Variants in ADCK1 observed in about 807,000 individuals in gnomAD.
The protein encoded by ADCK1 is aarF domain-containing protein kinase 1.
ADCK1 carries 41 observed loss-of-function variants against 52.3 expected under a neutral mutation model. The ratio of observed to expected loss-of-function variants is 0.78; its 90% CI spans 0.61 to 1.02. The LOEUF is 1.02. Ranked by LOEUF, ADCK1 falls within the 50% of genes least tolerant of loss-of-function variation. The pLI is 0.00. For synonymous variants in ADCK1, 250 were observed against 274.6 expected (o/e 0.91, Z 0.89); for missense variants, 658 against 679.5 (o/e 0.97, Z 0.35).
At chr14:77,832,209 C>T (rs2081869277) in intron 3 of ADCK1, among the ~76,000 whole-genome samples, 1 of 152,150 alleles carries the variant, frequency 6.6e-6, no homozygotes, top group Non-Finnish European at 1.5e-5. Flanking sequence ...AACTCCTGAC[C>T]TCATATGATC....
rs772385261 is a variant in ADCK1 at position 77,925,901 on chromosome 14, G to A, written c.1146G>A (p.Thr382=). The part of the protein sequence containing the change: ...DLYPLFACML[T]ARSWDSVNRG... ...ACCCCTTGTTTGCCTGCATGCTGAC[G>A]GCGCGATCGTGGGACTCGGTCAACA... The change falls in exon 9 of 11, where the codon ACG becomes ACA. Residue 382 remains threonine (T), a synonymous_variant. Coordinates refer to ENST00000238561, the MANE Select transcript of ADCK1 (RefSeq NM_020421.4). The A allele has an allele frequency of 1.1e-5, 17 of 1,614,224 alleles. No individual in the cohort carries two copies. The highest frequency in any genetic ancestry group is 2.2e-5 in the East Asian group (1 of 44,872).
chr14:77,883,014 T>C (rs1010604932), intron 4 of ADCK1, among the ~76,000 whole-genome samples: 3 of 132,546 alleles, frequency 2.3e-5, no homozygotes, highest in Non-Finnish European at 3.1e-5. Context: ...CCTTCGCACA[T>C]GTGTGCACAC....
chr14:77,915,762 G>A (rs1290054059), intron 7 of ADCK1, among the ~76,000 whole-genome samples: 4 of 152,194 alleles, frequency 2.6e-5, no homozygotes, highest in African/African-American at 4.8e-5. Flanking sequence ...AAGGTGTCAG[G>A]AGTGAGTAAC....
chr14:77,883,963 G>A (rs1212492679), intron 4 of ADCK1, among the ~76,000 whole-genome samples: 2 of 152,146 alleles, frequency 1.3e-5, no homozygotes, highest in South Asian at 2.1e-4. Flanking sequence ...GCTTCCTCTC[G>A]CCCTGGAGAT....
At chr14:77,801,669 G>A (rs2081113448) in intron 1 of ADCK1, among the ~76,000 whole-genome samples, 1 of 152,178 alleles carries the variant, frequency 6.6e-6, no homozygotes, top group Non-Finnish European at 1.5e-5. Flanking sequence ...GCCGGGTGCG[G>A]TGGCTCACAC....
intron 3 of ADCK1, among the ~76,000 whole-genome samples, chr14:77,824,535 G>C (rs965108064): frequency 1.5e-4 from 23 of 150,556 alleles, no homozygotes; most frequent in African/African-American, 5.6e-4. Context: ...CCGGGTTCAA[G>C]CAATTCTCCT....
intron 7 of ADCK1, among the ~76,000 whole-genome samples, chr14:77,918,987 C>T (rs190927437): frequency 5.3e-5 from 8 of 152,340 alleles, no homozygotes; most frequent in Non-Finnish European, 8.8e-5. Context: ...CCTGTTTAAA[C>T]GCCCATAAAC....
chr14:77,858,579 C>T (rs1170745318), intron 3 of ADCK1, among the ~76,000 whole-genome samples: 1 of 152,076 alleles, frequency 6.6e-6, no homozygotes, highest in Admixed American at 6.6e-5. Context: ...AGTTTATCTT[C>T]TTTAAAGATA....
chr14:77,932,192 G>A (rs1433283724), intron 10 of ADCK1, among the ~76,000 whole-genome samples: 1 of 151,956 alleles, frequency 6.6e-6, no homozygotes, highest in Admixed American at 6.5e-5. Context: ...AGAATTACAG[G>A]CACCCACCAC....
At chr14:77,856,876 C>T (rs1484343114) in intron 3 of ADCK1, among the ~76,000 whole-genome samples, 3 of 152,048 alleles carry the variant, frequency 2.0e-5, no homozygotes, top group South Asian at 2.1e-4. Context: ...TGGTGGTATG[C>T]GCCTGTAATT....
intron 3 of ADCK1, among the ~76,000 whole-genome samples, chr14:77,839,910 C>G (rs1435767529): frequency 9.0e-6 from 1 of 111,446 alleles, no homozygotes; most frequent in African/African-American, 3.6e-5. Flanking sequence ...CAGAGTGAGA[C>G]CCTGTCTCAA....
chr14:77,909,904 T>G (rs1017932033), intron 7 of ADCK1, among the ~76,000 whole-genome samples: 3 of 152,034 alleles, frequency 2.0e-5, no homozygotes, highest in Admixed American at 6.6e-5. Flanking sequence ...AGAATCAGAG[T>G]CTCAGAGAGA....
intron 3 of ADCK1, among the ~76,000 whole-genome samples, chr14:77,851,701 A>G (rs2082288153): frequency 1.3e-5 from 2 of 152,156 alleles, no homozygotes. Flanking sequence ...TTTAAGTGAT[A>G]TTATAGTACT....
intron 9 of ADCK1, among the ~76,000 whole-genome samples, chr14:77,930,305 C>G (rs77274162): frequency 0.028 from 4,231 of 152,252 alleles, 77 homozygotes; most frequent in African/African-American, 0.045. Flanking sequence ...ACACGTGCTT[C>G]TGAAAGGACT....
chr14:77,879,522 C>A (rs547308319), intron 4 of ADCK1, among the ~76,000 whole-genome samples: 1 of 152,062 alleles, frequency 6.6e-6, no homozygotes, highest in African/African-American at 2.4e-5. Context: ...GGTGGCTGAA[C>A]GAGGTCATAT....
chr14:77,895,491 T>G (rs2083389373), intron 5 of ADCK1, among the ~76,000 whole-genome samples: 1 of 152,184 alleles, frequency 6.6e-6, no homozygotes, highest in Non-Finnish European at 1.5e-5. Flanking sequence ...GTGAAAACAT[T>G]GGCTGTTAGA....
chr14:77,887,170 A>G lies in ADCK1; in HGVS notation c.503A>G (p.His168Arg), dbSNP rs750459181. The change falls in exon 5 of 11, where the codon CAT becomes CGT. Residue 168 changes from histidine to arginine, a missense_variant. His to Arg is a conservative substitution (Grantham distance 29). Coordinates refer to ENST00000238561, the MANE Select transcript of ADCK1 (RefSeq NM_020421.4). The part of the protein sequence containing the change: ...SLAQVHKAVL[H>R]DGRTVAVKVQ... ...GCCCAGGTCCACAAGGCAGTGCTGCATGATGGGCGGACGGTGGCCGTGAAG... is the reference window on the plus strand; with the variant it reads ...GCCCAGGTCCACAAGGCAGTGCTGCGTGATGGGCGGACGGTGGCCGTGAAG... 22 of 1,610,948 alleles carry G rather than the reference A, an allele frequency of 1.4e-5. No homozygotes were observed. The highest frequency in any genetic ancestry group is 1.9e-5 in the Non-Finnish European group (22 of 1,178,518).
chr14:77,818,855 T>C, intron 1 of ADCK1, 113 bp from the exon 2 acceptor site: 1 of 1,244,254 alleles, frequency 8.0e-7, no homozygotes, highest in Non-Finnish European at 1.1e-6. Context: ...CTCAGTGAGA[T>C]TAATGATCCA....
intron 6 of ADCK1, among the ~76,000 whole-genome samples, chr14:77,900,993 C>T (rs1368612977): frequency 6.6e-6 from 1 of 151,750 alleles, no homozygotes; most frequent in Non-Finnish European, 1.5e-5. Flanking sequence ...ACTCCCATGG[C>T]CTACTGGGTC....
Sources: gnomAD v4.1 joint callset for allele counts (sites outside exome capture counted in the v4.1 genomes callset) on GRCh38, gnomAD v4.1.1 for gene constraint, MANE v1.5 for transcripts, NCBI Gene and HGNC (gene_info 2026-07-23, HGNC 2026-07-21) for gene names.